Variants in LINGO2 observed in about 807,000 individuals in gnomAD.
LINGO2 encodes the protein leucine rich repeat and Ig domain containing 2.
A neutral mutation model predicts 30.6 loss-of-function variants in LINGO2; 14 were observed. That is an observed-to-expected ratio of 0.46 (90% CI 0.30 to 0.72). The LOEUF (loss-of-function observed/expected upper bound fraction) is 0.72. LINGO2 is among the 30% of genes least tolerant of loss of function. LINGO2 has a pLI of 0.07. For synonymous variants in LINGO2, 317 were observed against 288.5 expected, an observed-to-expected ratio of 1.10 and a Z score of -1.00; for missense variants, 729 against 751.7, an observed-to-expected ratio of 0.97 and a Z score of 0.35.
chr9:28,471,928 G>C (rs916772547), intron 2 of LINGO2, among the ~76,000 whole-genome samples: 1 of 152,094 alleles, frequency 6.6e-6, no homozygotes, highest in Admixed American at 6.6e-5. Context: ...GCATAATATT[G>C]AGACCAAGAG....
At chr9:27,965,250 T>C (rs761684820) in intron 5 of LINGO2, among the ~76,000 whole-genome samples, 1 of 152,030 alleles carries the variant, frequency 6.6e-6, no homozygotes, top group Non-Finnish European at 1.5e-5. Context: ...AGTATTTCTA[T>C]CCAGGATTTT....
chr9:28,179,439 T>C (rs1828843198), intron 4 of LINGO2, among the ~76,000 whole-genome samples: 1 of 138,874 alleles, frequency 7.2e-6, no homozygotes, highest in Non-Finnish European at 1.5e-5. Context: ...CTATACTATA[T>C]ATAGTATACA....
chr9:28,286,527 C>G (rs1239097295), intron 4 of LINGO2, among the ~76,000 whole-genome samples: 1 of 152,180 alleles, frequency 6.6e-6, no homozygotes, highest in East Asian at 1.9e-4. Context: ...CCTTGCAGCA[C>G]TATTCCCAAT....
At chr9:28,839,686 T>C in the LINGO2 span, among the ~76,000 whole-genome samples, 3 of 152,088 alleles carry the variant, frequency 2.0e-5, no homozygotes, top group Non-Finnish European at 4.4e-5. Flanking sequence ...GATTGGCCCA[T>C]GGGCAGCCAT....
chr9:28,809,719 C>T, the LINGO2 span, among the ~76,000 whole-genome samples: 1 of 147,176 alleles, frequency 6.8e-6, no homozygotes, highest in Admixed American at 6.9e-5. Flanking sequence ...GTACTCCAGC[C>T]CGGGTGACAG....
rs143594065 is a variant in LINGO2 at position 28,478,512 on chromosome 9, A to G, written c.-364-2487T>C. On this transcript the variant is annotated intron_variant, in intron 1 of 5. Transcript: ENST00000379992. Reference sequence around the variant, plus strand: ...CTCTGATGGTGTTGATCTACCCACCACATTTTGAGTAACAAGAATTCAGAA... The same window carrying G: ...CTCTGATGGTGTTGATCTACCCACCGCATTTTGAGTAACAAGAATTCAGAA... 1.5e-3 allele frequency among the ~76,000 whole-genome samples: 235 copies of G among 152,176 alleles called. 1 individual carries two copies. The highest frequency in any genetic ancestry group is 5.4e-3 in the African/African-American group (224 of 41,560).
the LINGO2 span, among the ~76,000 whole-genome samples, chr9:29,169,741 G>A: frequency 2.0e-5 from 3 of 152,210 alleles, no homozygotes; most frequent in African/African-American, 7.2e-5. Flanking sequence ...TGTGGCTCAC[G>A]CCTGTAATCC....
chr9:29,188,273 G>A, the LINGO2 span, among the ~76,000 whole-genome samples: 1 of 151,548 alleles, frequency 6.6e-6, no homozygotes, highest in African/African-American at 2.4e-5. Flanking sequence ...ATCTTGCACC[G>A]CCCTTAATCC....
chr9:29,192,671 G>A, the LINGO2 span, among the ~76,000 whole-genome samples: 12 of 152,064 alleles, frequency 7.9e-5, no homozygotes, highest in East Asian at 1.5e-3. Flanking sequence ...ATCTCAATTC[G>A]GCCAAGCAGA....
At chr9:28,493,870 T>G (rs1008502893) in intron 1 of LINGO2, among the ~76,000 whole-genome samples, 2 of 152,148 alleles carry the variant, frequency 1.3e-5, no homozygotes, top group Non-Finnish European at 2.9e-5. Context: ...CTTTCTCCAG[T>G]GCTGGAAGCT....
intron 4 of LINGO2, among the ~76,000 whole-genome samples, chr9:28,116,303 T>C (rs1360091726): frequency 4.9e-4 from 4 of 8,224 alleles, no homozygotes; most frequent in African/African-American, 1.7e-3. Context: ...TGATGGGCTT[T>C]CCTTTGAGGG....
the LINGO2 span, among the ~76,000 whole-genome samples, chr9:29,206,808 A>C: frequency 3.9e-5 from 6 of 152,194 alleles, no homozygotes; most frequent in Admixed American, 1.3e-4. Context: ...GATATCCTGA[A>C]TATCAAATAG....
At chr9:28,283,788 GTTATTA>G (rs1236997952) in intron 4 of LINGO2, among the ~76,000 whole-genome samples, 1 of 151,852 alleles carries the variant, frequency 6.6e-6, no homozygotes, top group Non-Finnish European at 1.5e-5. Flanking sequence ...ATTTAGGGTA[GTTATTA>G]TTATTATTAT....
chr9:28,097,002 T>C (rs562548952), intron 4 of LINGO2, among the ~76,000 whole-genome samples: 3 of 151,898 alleles, frequency 2.0e-5, no homozygotes, highest in Non-Finnish European at 4.4e-5. Flanking sequence ...AAAATAATTG[T>C]TTTGCCTATC....
chr9:28,424,296 T>A (rs1441098526), intron 2 of LINGO2, among the ~76,000 whole-genome samples: 2 of 152,162 alleles, frequency 1.3e-5, no homozygotes, highest in Non-Finnish European at 2.9e-5. Context: ...AGGCCTAGCC[T>A]GCAAGAGGCC....
At chr9:28,755,158 T>C in the LINGO2 span, among the ~76,000 whole-genome samples, 1 of 152,080 alleles carries the variant, frequency 6.6e-6, no homozygotes, top group Non-Finnish European at 1.5e-5. Context: ...CAAACCGACT[T>C]TTATACTTTT....
chr9:28,461,587 A>C (rs1444651571), intron 2 of LINGO2, among the ~76,000 whole-genome samples: 1 of 152,152 alleles, frequency 6.6e-6, no homozygotes, highest in Non-Finnish European at 1.5e-5. Context: ...TTGAGAATTG[A>C]TGTCCTGAAA....
intron 5 of LINGO2, 138 bp from the exon 7 acceptor site, chr9:27,950,844 T>C (rs1011441923): frequency 4.7e-6 from 2 of 423,508 alleles, no homozygotes; most frequent in Non-Finnish European, 8.2e-6. Context: ...ATAAACCTGA[T>C]GGACGACCCT....
At chr9:28,685,782 A>C in the LINGO2 span, among the ~76,000 whole-genome samples, 1 of 152,116 alleles carries the variant, frequency 6.6e-6, no homozygotes, top group African/African-American at 2.4e-5. Flanking sequence ...CCACATATTT[A>C]TTTGTATATC....
Sources: allele counts gnomAD v4.1 joint callset (sites outside exome capture counted in the v4.1 genomes callset), GRCh38; gene constraint gnomAD v4.1.1; transcripts MANE v1.5; gene names NCBI Gene and HGNC (gene_info 2026-07-23, HGNC 2026-07-21).